LLGL1: variants seen among roughly 807,000 people sequenced by gnomAD.
LLGL1 encodes the protein LLGL scribble cell polarity complex component 1, also known as lethal(2) giant larvae protein homolog 1.
A neutral mutation model predicts 110.6 loss-of-function variants in LLGL1; 58 were observed. The observed-to-expected ratio is 0.52, with a 90% CI of 0.42 to 0.65. The LOEUF is 0.65. Among genes scored for constraint, LLGL1 ranks in the 30% least tolerant of loss-of-function variants. LLGL1 has a pLI of 0.00. For missense variants in LLGL1, 1,229 were observed against 1,462.1 expected, an observed-to-expected ratio of 0.84 and a Z score of 2.60; for synonymous variants, 674 against 607.2, an observed-to-expected ratio of 1.11 and a Z score of -1.62.
chr17:18,236,553 G>A (rs2047697876), intron 11 of LLGL1, 54 bp from the exon 12 acceptor site: 1 of 1,546,144 alleles, frequency 6.5e-7, no homozygotes. Flanking sequence ...TGAATGGAGG[G>A]GCGTGCAGGC....
At position 18,225,672 on chromosome 17, in the gene LLGL1, C is replaced by T. The variant is rs761711391; in HGVS notation, c.-11C>T. 4.0e-6 allele frequency: 4 copies of T among 1,003,164 alleles called. No individual in the cohort carries two copies. The highest frequency in any genetic ancestry group is 3.8e-5 in the South Asian group (1 of 26,638). 62.1% of individuals were successfully genotyped at this position (1,003,164 alleles called of 1,614,324 possible). The stretch of plus-strand genomic sequence containing the variant: ...GCGGCGGCGGGCGAGGCGCCTGCAG[C>T]CGGGCGCAAGATGATGAAGTTTCGG... On this transcript the variant is annotated 5_prime_UTR_variant, in exon 1 of 23. Transcript: ENST00000316843.
In LLGL1 at chr17:18,238,140, C is replaced by T. The variant is rs998423128; in HGVS notation, c.1978C>T (p.Leu660=). The T allele has an allele frequency of 5.0e-6, 8 of 1,613,704 alleles. No homozygotes were observed. Among genetic ancestry groups the T allele is most frequent in the East Asian group, 2.2e-5 (1 of 44,896 alleles). Residue 660 remains leucine (L), a synonymous_variant, in exon 15 of 23, where the codon CTG becomes TTG. Transcript: ENST00000316843. ...LSRVKSLKKS[L]RQSFRRIRKS... is the part of the protein sequence containing the mutation. Reference sequence around the variant, plus strand: ...CCGGGTGAAGTCTCTCAAGAAGTCACTGCGCCAGTCTTTCCGGCGCATTCG... The same window carrying T: ...CCGGGTGAAGTCTCTCAAGAAGTCATTGCGCCAGTCTTTCCGGCGCATTCG...
At chr17:18,237,044 C>A in intron 13 of LLGL1, 105 bp downstream of exon 13, 1 of 1,005,026 alleles carries the variant, frequency 9.9e-7, no homozygotes, top group Non-Finnish European at 1.5e-6. Flanking sequence ...CAGGCAAAAG[C>A]CAAGGTGGGA....
rs2047806239 is a variant in LLGL1 at position 18,240,590 on chromosome 17, G to A, written c.2219G>A (p.Gly740Glu). 2 of 1,596,724 alleles carry A rather than the reference G, an allele frequency of 1.3e-6. No individual in the cohort carries two copies. Among genetic ancestry groups the A allele is most frequent in the Non-Finnish European group, 1.7e-6 (2 of 1,168,284 alleles). ...TTGTTTTCTGCAGGGGCCCACCACG[G>A]GCCCACCATGTGGGCTGGCACCAAC... The part of the protein sequence containing the change: ...DTFLRDGAHH[G>E]PTMWAGTNSG... Residue 740 changes from glycine to glutamate, a missense_variant, in exon 17 of 23, where the codon GGG becomes GAG. Coordinates refer to ENST00000316843, the MANE Select transcript of LLGL1 (RefSeq NM_004140.4). This position sits in a 1 kb window ranked among gnomAD's most constrained non-coding sequence, Gnocchi z 5.3.
In LLGL1 at chr17:18,238,136, G is replaced by A; in HGVS notation, c.1974G>A (p.Lys658=). Residue 658 remains lysine (K), a synonymous_variant, in exon 15 of 23, where the codon AAG becomes AAA. Transcript: ENST00000316843. ...TCTCCCGGGTGAAGTCTCTCAAGAAGTCACTGCGCCAGTCTTTCCGGCGCA... is the reference window on the plus strand; with the variant it reads ...TCTCCCGGGTGAAGTCTCTCAAGAAATCACTGCGCCAGTCTTTCCGGCGCA... ...GPLSRVKSLK[K]SLRQSFRRIR... is the part of the protein sequence containing the mutation. 1 of 1,613,882 alleles carries A rather than the reference G, an allele frequency of 6.2e-7. No homozygotes were observed. Among genetic ancestry groups the A allele is most frequent in the East Asian group, 2.2e-5 (1 of 44,886 alleles).
chr17:18,238,043 C>T (rs748089018), intron 14 of LLGL1, 24 bp from the exon 15 acceptor site: 7 of 1,612,028 alleles, frequency 4.3e-6, no homozygotes, highest in South Asian at 2.2e-5. Context: ...CTCTATAGCA[C>T]GACTGGACCC....
Position 18,237,592 on chromosome 17 carries a change from A to AGCCCACGCACGGGGCCGCTGC in LLGL1, c.1724_1744dup (p.Leu581_Pro582insArgProArgThrGlyProLeu). The stretch of plus-strand genomic sequence containing the variant: ...CACATGGAAGGGCCACGAGCGGCTG[A>AGCCCACGCACGGGGCCGCTGC]GCCCACGCACGGGGCCGCTGCCCTG... On this transcript the variant is annotated inframe_insertion, in exon 14 of 23. Coordinates refer to ENST00000316843, the MANE Select transcript of LLGL1 (RefSeq NM_004140.4). 1 of 1,610,704 alleles carries AGCCCACGCACGGGGCCGCTGC rather than the reference A, an allele frequency of 6.2e-7. No homozygotes were observed. The highest frequency in any genetic ancestry group is 8.5e-7 in the Non-Finnish European group (1 of 1,179,590).
At chr17:18,239,213 C>T (rs941081413) in intron 16 of LLGL1, among the ~76,000 whole-genome samples, 9 of 152,146 alleles carry the variant, frequency 5.9e-5, no homozygotes, top group Non-Finnish European at 1.3e-4. Flanking sequence ...TGTGTGTGGG[C>T]AGCTGCCCAG....
intron 1 of LLGL1, 27 bp downstream of exon 1, chr17:18,225,790 C>CGGGCGGGAGG (rs1479666897): frequency 1.5e-4 from 39 of 261,744 alleles, no homozygotes; most frequent in African/African-American, 9.6e-4. Flanking sequence ...GGCCCGGGCT[C>CGGGCGGGAGG]GGGCGGGAGG....
chr17:18,237,435 G>A (rs1427051562), intron 13 of LLGL1, 46 bp from the exon 14 acceptor site: 1 of 1,493,946 alleles, frequency 6.7e-7, no homozygotes, highest in African/African-American at 1.4e-5. Context: ...GCCCAGGGCG[G>A]CCCCTCCCCT....
chr17:18,230,839 G>C (rs1176842373), intron 2 of LLGL1, among the ~76,000 whole-genome samples: 1 of 152,198 alleles, frequency 6.6e-6, no homozygotes, highest in Non-Finnish European at 1.5e-5. Context: ...AGGACTGGGG[G>C]CACTGATCAG....
chr17:18,239,732 G>C (rs2047782498), intron 16 of LLGL1, among the ~76,000 whole-genome samples: 1 of 151,830 alleles, frequency 6.6e-6, no homozygotes, highest in African/African-American at 2.4e-5. Flanking sequence ...GGCGGGTGCA[G>C]CTGGGGGTGG....
intron 22 of LLGL1, 33 bp from the exon 23 acceptor site, chr17:18,243,875 C>G (rs998282902): frequency 2.6e-5 from 4 of 152,624 alleles, no homozygotes; most frequent in African/African-American, 9.6e-5. Context: ...CCTCCCTCAC[C>G]TTCTGCTGAT....
At chr17:18,227,331 G>C (rs2047468234) in intron 1 of LLGL1, among the ~76,000 whole-genome samples, 1 of 152,192 alleles carries the variant, frequency 6.6e-6, no homozygotes, top group African/African-American at 2.4e-5. Flanking sequence ...GAGGCTGTGA[G>C]GGTGAGGTGA....
chr17:18,236,951 T>C lies in LLGL1; in HGVS notation c.1611+12T>C. 1 of 1,604,994 alleles carries C rather than the reference T, an allele frequency of 6.2e-7. No homozygotes were observed. Among genetic ancestry groups the C allele is most frequent in the South Asian group, 1.1e-5 (1 of 90,216 alleles). ...GCACTGCAGGCCAGGTAGGGCTGGGTGTCCCCTGGGTTGGAGATGTCAGGG... is the reference window on the plus strand; with the variant it reads ...GCACTGCAGGCCAGGTAGGGCTGGGCGTCCCCTGGGTTGGAGATGTCAGGG... On this transcript the variant is annotated intron_variant, in intron 13 of 22. Coordinates refer to ENST00000316843, the MANE Select transcript of LLGL1 (RefSeq NM_004140.4).
rs375532459 is a variant in LLGL1 at position 18,240,563 on chromosome 17, G to A, written c.2207-15G>A. 66 of 1,578,238 alleles carry A rather than the reference G, an allele frequency of 4.2e-5. 1 individual carries two copies. The African/African-American group carries it at 5.2e-4, about 13-fold the overall frequency. Reference sequence around the variant, plus strand: ...GCCCACAGGGAGCACCCTCCTACGCGCTTGTTTTCTGCAGGGGCCCACCAC... The same window carrying A: ...GCCCACAGGGAGCACCCTCCTACGCACTTGTTTTCTGCAGGGGCCCACCAC... On this transcript the variant is annotated splice_polypyrimidine_tract_variant and intron_variant, in intron 16 of 22. Transcript: ENST00000316843. This position sits in a 1 kb window ranked among gnomAD's most constrained non-coding sequence, Gnocchi z 5.3.
At chr17:18,225,830 C>G (rs1189474641) in intron 1 of LLGL1, 67 bp downstream of exon 1, 9 of 273,216 alleles carry the variant, frequency 3.3e-5, no homozygotes, top group Non-Finnish European at 4.6e-5. Context: ...GCTGGGGGCC[C>G]GGGGTCGGAG....
At chr17:18,234,488 G>C (rs2047645214) in intron 7 of LLGL1, 80 bp downstream of exon 7, 2 of 1,587,520 alleles carry the variant, frequency 1.3e-6, no homozygotes, top group Admixed American at 3.4e-5. Flanking sequence ...GCTGAGGAGG[G>C]ACTTCCCCGA....
rs1244758186 is a variant in LLGL1 at position 18,244,851 on chromosome 17, A to G, written c.*945A>G. The stretch of plus-strand genomic sequence containing the variant: ...AAAATACTGATTTTTAATATTGAAA[A>G]TAAAAGCATTTAATATCTCTTAAAG... On this transcript the variant is annotated 3_prime_UTR_variant, in exon 23 of 23. Coordinates refer to ENST00000316843, the MANE Select transcript of LLGL1 (RefSeq NM_004140.4). 5 of 399,888 alleles carry G rather than the reference A, an allele frequency of 1.3e-5. No individual in the cohort carries two copies. Among genetic ancestry groups the G allele is most frequent in the African/African-American group, 2.1e-5 (1 of 48,576 alleles). 24.8% of individuals were successfully genotyped at this position (399,888 alleles called of 1,614,324 possible).
Sources: allele counts gnomAD v4.1 joint callset (sites outside exome capture counted in the v4.1 genomes callset), GRCh38; gene constraint gnomAD v4.1.1; non-coding constraint Gnocchi (gnomAD v3.1); transcripts MANE v1.5; gene names NCBI Gene and HGNC (gene_info 2026-07-23, HGNC 2026-07-21).